MIS18BP1: variants seen among roughly 807,000 people sequenced by gnomAD.
The protein encoded by MIS18BP1 is mis18-binding protein 1.
MIS18BP1 carries 72 observed loss-of-function variants against 116.1 expected under a neutral mutation model. The observed-to-expected ratio is 0.62, with a 90% CI of 0.51 to 0.75. MIS18BP1 has a LOEUF of 0.75. Ranked by LOEUF, MIS18BP1 falls within the 30% of genes least tolerant of loss-of-function variation. The pLI is 0.00. For missense variants in MIS18BP1, 1,363 were observed against 1,303.2 expected, an observed-to-expected ratio of 1.05 and a Z score of -0.71; for synonymous variants, 386 against 427.0, an observed-to-expected ratio of 0.90 and a Z score of 1.18.
At chr14:45,244,851 G>A (rs186879056) in intron 2 of MIS18BP1, among the ~76,000 whole-genome samples, 1 of 152,246 alleles carries the variant, frequency 6.6e-6, no homozygotes, top group East Asian at 1.9e-4. Flanking sequence ...TTTCTTTTCA[G>A]TTAACAATTG....
rs373463892 is a variant in MIS18BP1 at position 45,224,380 on chromosome 14, A to T, written c.2207T>A (p.Met736Lys). The change falls in exon 11 of 17, where the codon ATG becomes AAG. Residue 736 changes from methionine (M) to lysine (K), a missense_variant. Transcript: ENST00000310806. Reference protein sequence around the residue: ...IKISNLEKEQMLTSDFKKNTR... With the variant: ...IKISNLEKEQKLTSDFKKNTR... Reference sequence around the variant, plus strand: ...ATTTTTCTTAAAGTCAGAGGTGAGCATTTGTTCCTTTTCAAGGTTAGATAT... The same window carrying T: ...ATTTTTCTTAAAGTCAGAGGTGAGCTTTTGTTCCTTTTCAAGGTTAGATAT... The T allele has an allele frequency of 6.2e-7, 1 of 1,613,416 alleles. No homozygotes were observed. Among genetic ancestry groups the T allele is most frequent in the African/African-American group, 1.3e-5 (1 of 74,850 alleles).
intron 13 of MIS18BP1, among the ~76,000 whole-genome samples, chr14:45,215,306 CAAG>C (rs764529541): frequency 1.3e-5 from 2 of 152,102 alleles, no homozygotes; most frequent in Admixed American, 6.5e-5. Context: ...AATTTTATGA[CAAG>C]AAATTGGTAG....
At position 45,235,761 on chromosome 14, in the gene MIS18BP1, TG is replaced by T. The variant is rs577742788; in HGVS notation, c.1348+52del. On this transcript the variant is annotated intron_variant, in intron 6 of 16. Transcript: ENST00000310806. Reference sequence around the variant, plus strand: ...AAAATGTGTATTACTGTGAGAAACATGGTTAACTGCTTTACTTCTTAAAATA... The same window carrying T: ...AAAATGTGTATTACTGTGAGAAACATGTTAACTGCTTTACTTCTTAAAATA... The T allele has an allele frequency of 1.1e-4, 159 of 1,481,930 alleles. No individual in the cohort carries two copies. In the African/African-American group the frequency reaches 2.1e-3, roughly 20 times the overall value. 91.8% of individuals were successfully genotyped at this position (1,481,930 alleles called of 1,614,324 possible).
intron 4 of MIS18BP1, among the ~76,000 whole-genome samples, chr14:45,241,276 C>T (rs551038687): frequency 4.9e-4 from 75 of 152,300 alleles, no homozygotes; most frequent in African/African-American, 1.7e-3. Context: ...CAGAGACCAG[C>T]TTGGCCAGCA....
At chr14:45,210,156 C>T (rs369806176) in intron 14 of MIS18BP1, 6 of 374,394 alleles carry the variant, frequency 1.6e-5, no homozygotes, top group East Asian at 8.9e-5. Context: ...TGATCCATTT[C>T]GAATTGATCC....
At chr14:45,238,111 AAG>A (rs1173702566) in intron 4 of MIS18BP1, among the ~76,000 whole-genome samples, 2 of 141,516 alleles carry the variant, frequency 1.4e-5, no homozygotes, top group African/African-American at 4.9e-5. Context: ...TTAAAAAATT[AAG>A]AGTTTTTTTT....
chr14:45,251,834 C>A (rs1032805936), intron 1 of MIS18BP1, among the ~76,000 whole-genome samples: 9 of 152,158 alleles, frequency 5.9e-5, no homozygotes, highest in African/African-American at 2.2e-4. Context: ...AGTGAGATTT[C>A]TTTTTCATAT....
At chr14:45,245,759 C>T (rs1891706472) in intron 2 of MIS18BP1, among the ~76,000 whole-genome samples, 1 of 152,188 alleles carries the variant, frequency 6.6e-6, no homozygotes, top group African/African-American at 2.4e-5. Context: ...CCTTGATGAC[C>T]TCATCTAATC....
chr14:45,245,145 GC>G (rs1386377506), intron 2 of MIS18BP1, among the ~76,000 whole-genome samples: 1 of 152,046 alleles, frequency 6.6e-6, no homozygotes, highest in Non-Finnish European at 1.5e-5. Context: ...TGTTTTCGTT[GC>G]TACCATTCCA....
In MIS18BP1 at chr14:45,213,762, A is replaced by G. The variant is rs1290762792; in HGVS notation, c.3004-3234T>C. On this transcript the variant is annotated intron_variant, in intron 13 of 16. Coordinates refer to ENST00000310806, the MANE Select transcript of MIS18BP1 (RefSeq NM_018353.5). ...GAGAGATCAGACTGTTACTGTGTCT[A>G]TGCAGAGAGAAGTAGACATAAGAGA... Among the ~76,000 whole-genome samples, 6 of 152,254 alleles carry G rather than the reference A, an allele frequency of 3.9e-5. No individual in the cohort carries two copies. The South Asian group carries it at 1.2e-3, about 31-fold the overall frequency.
intron 4 of MIS18BP1, among the ~76,000 whole-genome samples, chr14:45,240,850 T>C (rs1362750292): frequency 6.6e-6 from 1 of 151,986 alleles, no homozygotes; most frequent in Non-Finnish European, 1.5e-5. Flanking sequence ...TGCAATGAGC[T>C]GAGATTGTGC....
intron 13 of MIS18BP1, among the ~76,000 whole-genome samples, chr14:45,211,865 C>T (rs1352824741): frequency 6.6e-6 from 1 of 152,198 alleles, no homozygotes; most frequent in Non-Finnish European, 1.5e-5. Context: ...CTATTTCTGT[C>T]ACAGCATCTG....
At chr14:45,237,892 A>G (rs914664781) in intron 4 of MIS18BP1, among the ~76,000 whole-genome samples, 171 bp from the exon 5 acceptor site, 1 of 152,240 alleles carries the variant, frequency 6.6e-6, no homozygotes, top group Non-Finnish European at 1.5e-5. Context: ...AAATTCTTGT[A>G]TACAATGAAA....
Position 45,210,408 on chromosome 14 carries a change from T to G in MIS18BP1, c.3124A>C (p.Ser1042Arg). The G allele has an allele frequency of 6.2e-7, 1 of 1,614,044 alleles. No individual in the cohort carries two copies. Residue 1042 changes from serine (S) to arginine (R), a missense_variant, in exon 14 of 17, where the codon AGT becomes CGT. Transcript: ENST00000310806. Reference sequence around the variant, plus strand: ...TTTATAGAACCTAGCATGCCAGGACTGACATGCTGACATTGAGGAGTTTTT... The same window carrying G: ...TTTATAGAACCTAGCATGCCAGGACGGACATGCTGACATTGAGGAGTTTTT... ...LVKTPQCQHV[S>R]PGMLGSINRN...
intron 11 of MIS18BP1, 95 bp downstream of exon 11, chr14:45,223,823 A>G (rs1891041750): frequency 1.2e-6 from 1 of 867,312 alleles, no homozygotes; most frequent in Admixed American, 3.1e-5. Context: ...TTTTTTAATG[A>G]CATCTTCCAT....
chr14:45,252,989 G>A (rs1444034108), intron 1 of MIS18BP1, 46 bp downstream of exon 1: 1 of 152,374 alleles, frequency 6.6e-6, no homozygotes, highest in Non-Finnish European at 1.5e-5. Flanking sequence ...CACCATCTGC[G>A]GGGACCCGCG....
At chr14:45,224,808 G>T in intron 10 of MIS18BP1, 62 bp from the exon 11 acceptor site, 1 of 1,158,430 alleles carries the variant, frequency 8.6e-7, no homozygotes, top group Non-Finnish European at 1.2e-6. Flanking sequence ...ACAAATATAA[G>T]CACAGAAAAT....
chr14:45,250,184 G>GA (rs1344003484), intron 1 of MIS18BP1: 1 of 152,116 alleles, frequency 6.6e-6, no homozygotes, highest in Non-Finnish European at 1.5e-5. Context: ...CCAAGATTCT[G>GA]AAAAAATCCT....
Position 45,231,273 on chromosome 14 carries a change from T to A in MIS18BP1, c.1462A>T (p.Thr488Ser). The change falls in exon 8 of 17, where the codon ACC becomes TCC. Residue 488 changes from threonine to serine, a missense_variant. Coordinates refer to ENST00000310806, the MANE Select transcript of MIS18BP1 (RefSeq NM_018353.5). ...LRAGEKNREKTKQKQKTGRSV... is the reference protein window; with the variant it reads ...LRAGEKNREKSKQKQKTGRSV... Reference sequence around the variant, plus strand: ...CTTCCAGTTTTCTGTTTTTGTTTGGTCTTTTCCCTGTTCTTTTCACCAGCC... The same window carrying A: ...CTTCCAGTTTTCTGTTTTTGTTTGGACTTTTCCCTGTTCTTTTCACCAGCC... 1 of 1,610,986 alleles carries A rather than the reference T, an allele frequency of 6.2e-7. No individual in the cohort carries two copies. Among genetic ancestry groups the A allele is most frequent in the Non-Finnish European group, 8.5e-7 (1 of 1,178,594 alleles).
Sources: allele counts gnomAD v4.1 joint callset (sites outside exome capture counted in the v4.1 genomes callset), GRCh38; gene constraint gnomAD v4.1.1; transcripts MANE v1.5; gene names NCBI Gene and HGNC (gene_info 2026-07-23, HGNC 2026-07-21).